The following AKNA variants were observed in gnomAD, a reference collection of about 807,000 sequenced individuals.
The protein encoded by AKNA is AT-hook transcription factor, also known as microtubule organization protein AKNA.
AKNA carries 67 observed loss-of-function variants against 138.8 expected under a neutral mutation model. The ratio of observed to expected loss-of-function variants is 0.48; its 90% confidence interval spans 0.40 to 0.59. The LOEUF (loss-of-function observed/expected upper bound fraction) is 0.59, where lower values mean the gene tolerates loss of function less well. Among genes scored for constraint, AKNA ranks in the 20% least tolerant of loss-of-function variants. The pLI, the probability that AKNA is intolerant of heterozygous loss-of-function variation, is 0.00. For synonymous variants in AKNA, 737 were observed against 754.4 expected, an observed-to-expected ratio of 0.98 and a Z score of 0.38; for missense variants, 1,813 against 1,880.4, an observed-to-expected ratio of 0.96 and a Z score of 0.66.
chr9:114,387,630 C>G (rs1176715404), intron 1 of AKNA, among the ~76,000 whole-genome samples: 1 of 152,214 alleles, frequency 6.6e-6, no homozygotes, highest in Admixed American at 6.5e-5. Context: ...AGATCAGAAT[C>G]AGAGCTAGGA....
intron 8 of AKNA, 49 bp from the exon 9 acceptor site, chr9:114,361,960 C>T: frequency 6.3e-7 from 1 of 1,577,586 alleles, no homozygotes. Context: ...GCAGCTACAT[C>T]AGGCAGGTCC....
Position 114,357,883 on chromosome 9 carries a change from C to T in AKNA, c.2739+38G>A, listed in dbSNP as rs551115394. 1.8e-5 allele frequency: 28 copies of T among 1,587,442 alleles called. No homozygotes were observed. In the East Asian group the frequency reaches 5.9e-4, roughly 33 times the overall value. On this transcript the variant is annotated intron_variant, in intron 12 of 21. Transcript: ENST00000374088. ...AAGTTGAGAAGACCCAGGAATGACC[C>T]TGAGGTTCTGGGCCCATTCCCCCAT...
chr9:114,394,193 A>AC (rs1249752578), intron 1 of AKNA, among the ~76,000 whole-genome samples: 3 of 151,824 alleles, frequency 2.0e-5, no homozygotes, highest in Non-Finnish European at 4.4e-5. Flanking sequence ...AAAAAAGTTT[A>AC]CAATCATTAT....
rs148856699 is a variant in AKNA, at chr9:114,337,294, A to G, written c.4080T>C (p.Pro1360=). 9.4e-4 allele frequency: 1,414 copies of G among 1,508,622 alleles called. 12 individuals are homozygous for G. In the African/African-American group the frequency reaches 0.018, roughly 19 times the overall value. 93.5% of individuals were successfully genotyped at this position (1,508,622 alleles called of 1,614,324 possible). A position where few individuals can be genotyped will look rare whatever the true frequency, so the allele number is the denominator to read the frequency against. The part of the protein sequence containing the change: ...PYPPAAVYYA[P]AGPTSAQPAA... ...CTGGTTGGGCTGAGGTAGGTCCTGC[A>G]GGCGCATAGTACCTGAGGAGAGAAG... The change falls in exon 22 of 22, where the codon CCT becomes CCC. Residue 1360 remains proline, a synonymous_variant. Transcript: ENST00000374088.
chr9:114,355,966 G>C lies in AKNA; in HGVS notation c.3017C>G (p.Ala1006Gly). 1 of 1,614,218 alleles carries C rather than the reference G, an allele frequency of 6.2e-7. No homozygotes were observed. The highest frequency in any genetic ancestry group is 1.1e-5 in the South Asian group (1 of 91,086). ...SSPSGPLRQR[A>G]PNFSLERTLA... ...TGTCCGCTCCAGGCTGAAGTTGGGT[G>C]CCCTCTGCCGGAGAGGCCCACTTGG... Residue 1006 changes from alanine to glycine, a missense_variant, in exon 14 of 22, where the codon GCA becomes GGA. By Grantham distance (60) the Ala-to-Gly change is moderately conservative. Coordinates refer to ENST00000374088, the MANE Select transcript of AKNA (RefSeq NM_001317950.2).
At chr9:114,348,392 G>A (rs896875855) in intron 15 of AKNA, among the ~76,000 whole-genome samples, 5 of 152,184 alleles carry the variant, frequency 3.3e-5, no homozygotes, top group African/African-American at 1.2e-4. Context: ...AAAGAAGCGG[G>A]CTTCCTGTCT....
chr9:114,345,728 G>A, intron 18 of AKNA, 135 bp downstream of exon 18: 1 of 720,146 alleles, frequency 1.4e-6, no homozygotes, highest in Non-Finnish European at 2.2e-6. Flanking sequence ...GCTCCCTGCT[G>A]GTTTTCATAT....
intron 4 of AKNA, among the ~76,000 whole-genome samples, chr9:114,372,104 G>A (rs1241929070): frequency 6.6e-6 from 1 of 152,224 alleles, no homozygotes; most frequent in Non-Finnish European, 1.5e-5. Context: ...TTGGGCAGGA[G>A]ATGATAGTAT....
chr9:114,392,813 C>T (rs186194093), upstream of AKNA, among the ~76,000 whole-genome samples: 1 of 152,280 alleles, frequency 6.6e-6, no homozygotes, highest in South Asian at 2.1e-4. Flanking sequence ...CTCTTCCCTG[C>T]GACCCTTAAA....
intron 4 of AKNA, among the ~76,000 whole-genome samples, chr9:114,369,253 G>C (rs1486357103): frequency 6.6e-6 from 1 of 152,178 alleles, no homozygotes; most frequent in African/African-American, 2.4e-5. Context: ...GAAAGCAGAG[G>C]GAAACCACAG....
chr9:114,353,687 G>C (rs930134280), intron 14 of AKNA, among the ~76,000 whole-genome samples: 2 of 152,174 alleles, frequency 1.3e-5, no homozygotes, highest in African/African-American at 4.8e-5. Context: ...TTACATATGT[G>C]AGGTAGATGG....
At position 114,359,901 on chromosome 9, in the gene AKNA, C is replaced by A. The variant is rs757984711; in HGVS notation, c.2286G>T (p.Met762Ile). ...CAGGTCCAGGTGGCACTCACCGCTCCATGAGGCCATGGTAAACTTGCTCCA... is the reference window on the plus strand; with the variant it reads ...CAGGTCCAGGTGGCACTCACCGCTCAATGAGGCCATGGTAAACTTGCTCCA... ...LQMEQVYHGL[M>I]ERYLSVKSLP... The change falls in exon 10 of 22, where the codon ATG becomes ATT. Residue 762 changes from methionine (M) to isoleucine (I), a missense_variant. Transcript: ENST00000374088. 1.5e-5 allele frequency: 24 copies of A among 1,614,218 alleles called. No homozygotes were observed. Among genetic ancestry groups the A allele is most frequent in the Non-Finnish European group, 2.0e-5 (24 of 1,180,020 alleles).
chr9:114,392,674 G>A (rs1834391177), upstream of AKNA, among the ~76,000 whole-genome samples: 1 of 152,194 alleles, frequency 6.6e-6, no homozygotes, highest in Non-Finnish European at 1.5e-5. Context: ...CTCCCTGCAG[G>A]ACTGAGTTTA....
downstream of AKNA, chr9:114,332,021 C>T: frequency 8.9e-7 from 1 of 1,121,594 alleles, no homozygotes; most frequent in Non-Finnish European, 1.3e-6. Flanking sequence ...CCAGGCAAGG[C>T]TGCACAGCTA....
intron 2 of AKNA, among the ~76,000 whole-genome samples, chr9:114,378,484 C>G (rs1453052909): frequency 1.3e-5 from 2 of 152,156 alleles, no homozygotes; most frequent in Non-Finnish European, 2.9e-5. Context: ...AGGATGCTCT[C>G]TGTTTTGTTC....
At chr9:114,339,063 T>C (rs1830172054) in intron 21 of AKNA, among the ~76,000 whole-genome samples, 1 of 152,240 alleles carries the variant, frequency 6.6e-6, no homozygotes, top group Non-Finnish European at 1.5e-5. Context: ...GATGGGGTTA[T>C]GCCCCTATAA....
Position 114,350,882 on chromosome 9 carries a change from G to A in AKNA, c.3198C>T (p.Phe1066=). Reference sequence around the variant, plus strand: ...ACTCTCGCCCTGCCCTGGTGAGCAGGAAGCTGGGGATGGTCTCTGTTGGTC... The same window carrying A: ...ACTCTCGCCCTGCCCTGGTGAGCAGAAAGCTGGGGATGGTCTCTGTTGGTC... The part of the protein sequence containing the change: ...PCGPTETIPS[F]LLTRAGRDQA... Residue 1066 remains phenylalanine (F), a synonymous_variant, in exon 15 of 22, where the codon TTC becomes TTT. Coordinates refer to ENST00000374088, the MANE Select transcript of AKNA (RefSeq NM_001317950.2). 1 of 1,578,794 alleles carries A rather than the reference G, an allele frequency of 6.3e-7. No homozygotes were observed. Among genetic ancestry groups the A allele is most frequent in the Non-Finnish European group, 8.6e-7 (1 of 1,161,744 alleles).
chr9:114,364,365 T>C (rs1046621643), intron 7 of AKNA, among the ~76,000 whole-genome samples, 195 bp downstream of exon 7: 1 of 152,176 alleles, frequency 6.6e-6, no homozygotes, highest in African/African-American at 2.4e-5. Flanking sequence ...CAACCATCCT[T>C]GCTTAATAAT....
intron 3 of AKNA, chr9:114,375,867 C>A: frequency 5.0e-6 from 2 of 398,846 alleles, no homozygotes; most frequent in South Asian, 1.8e-5. Context: ...TCTTTTTGAG[C>A]AAAGGGCTTG....
Sources: allele counts gnomAD v4.1 joint callset (sites outside exome capture counted in the v4.1 genomes callset), GRCh38; gene constraint gnomAD v4.1.1; transcripts MANE v1.5; gene names NCBI Gene and HGNC (gene_info 2026-07-23, HGNC 2026-07-21).